The following LRMDA variants were observed in gnomAD, a reference collection of about 807,000 sequenced individuals.
The protein encoded by LRMDA is leucine-rich melanocyte differentiation-associated protein.
Under a neutral mutation model 29.8 loss-of-function variants are expected in LRMDA, and 18 were observed. The observed-to-expected ratio is 0.60, with a 90% confidence interval of 0.42 to 0.90. The LOEUF (loss-of-function observed/expected upper bound fraction) is 0.90. Among genes scored for constraint, LRMDA ranks in the 40% least tolerant of loss-of-function variants. LRMDA has a pLI of 0.00. For synonymous variants in LRMDA, 125 were observed against 109.4 expected (o/e 1.14, Z -0.89); for missense variants, 273 against 273.9 (o/e 1.00, Z 0.02).
intron 5 of LRMDA, among the ~76,000 whole-genome samples, chr10:76,303,960 C>T (rs1370390923): frequency 1.3e-5 from 2 of 152,028 alleles, no homozygotes; most frequent in East Asian, 3.9e-4. Context: ...ACAAGAAGGC[C>T]TCACTACAAC....
At chr10:75,916,967 A>G (rs143994568) in intron 2 of LRMDA, among the ~76,000 whole-genome samples, 2 of 152,306 alleles carry the variant, frequency 1.3e-5, no homozygotes, top group South Asian at 2.1e-4. Flanking sequence ...TGAGCACTAT[A>G]TACACTTTTT....
At chr10:75,578,615 C>A (rs954472765) in intron 2 of LRMDA, among the ~76,000 whole-genome samples, 1 of 152,170 alleles carries the variant, frequency 6.6e-6, no homozygotes, top group Non-Finnish European at 1.5e-5. Flanking sequence ...AGCACCACAT[C>A]ACACTTATTC....
chr10:75,852,348 G>T (rs1844745797), intron 2 of LRMDA, among the ~76,000 whole-genome samples: 2 of 152,132 alleles, frequency 1.3e-5, no homozygotes, highest in Admixed American at 6.5e-5. Flanking sequence ...TTGGTAAAAG[G>T]TGGGTGGGAA....
chr10:76,196,590 A>G (rs2132227623), intron 5 of LRMDA, among the ~76,000 whole-genome samples: 1 of 152,330 alleles, frequency 6.6e-6, no homozygotes, highest in Middle Eastern at 3.4e-3. Flanking sequence ...GCTAGTTATT[A>G]TAGAACAGGA....
chr10:75,451,375 C>T (rs1844458444), intron 2 of LRMDA: 1 of 152,188 alleles, frequency 6.6e-6, no homozygotes, highest in African/African-American at 2.4e-5. Flanking sequence ...CGAGAATCAC[C>T]TCTCGACAGT....
At chr10:76,066,972 A>G (rs184107304) in intron 5 of LRMDA, among the ~76,000 whole-genome samples, 1 of 152,222 alleles carries the variant, frequency 6.6e-6, no homozygotes. Flanking sequence ...TGAGGCTGCC[A>G]CAGTGTTCCC....
intron 6 of LRMDA, among the ~76,000 whole-genome samples, chr10:76,515,042 GA>G (rs920387514): frequency 2.6e-5 from 4 of 151,808 alleles, no homozygotes; most frequent in African/African-American, 7.3e-5. Flanking sequence ...CAGTTGTATT[GA>G]AAAAAAATGA....
chr10:76,054,032 G>A (rs1389831296), intron 4 of LRMDA, among the ~76,000 whole-genome samples: 1 of 152,194 alleles, frequency 6.6e-6, no homozygotes, highest in Non-Finnish European at 1.5e-5. Context: ...AAGAATAGAA[G>A]CTCACTGAAA....
chr10:76,119,307 A>T (rs1271194526), intron 5 of LRMDA, among the ~76,000 whole-genome samples: 2 of 152,090 alleles, frequency 1.3e-5, no homozygotes, highest in African/African-American at 4.8e-5. Context: ...CTTAAATGGC[A>T]GGGCAGCATA....
intron 6 of LRMDA, among the ~76,000 whole-genome samples, chr10:76,393,916 C>T (rs939938664): frequency 2.6e-5 from 4 of 152,012 alleles, no homozygotes; most frequent in Non-Finnish European, 4.4e-5. Context: ...TTGAGGAGAC[C>T]GTCCTTTCTG....
intron 2 of LRMDA, among the ~76,000 whole-genome samples, chr10:75,829,977 C>G (rs1487606598): frequency 6.6e-6 from 1 of 151,358 alleles, no homozygotes; most frequent in Admixed American, 6.6e-5. Flanking sequence ...AGTGAAAGGG[C>G]TTCCCTCCTT....
chr10:76,274,622 T>C (rs1457246383), intron 5 of LRMDA, among the ~76,000 whole-genome samples: 1 of 151,834 alleles, frequency 6.6e-6, no homozygotes, highest in Admixed American at 6.6e-5. Flanking sequence ...AAAGGTTACG[T>C]ATTTTATTCT....
intron 2 of LRMDA, among the ~76,000 whole-genome samples, chr10:75,590,502 G>A (rs1455880486): frequency 6.6e-6 from 1 of 152,046 alleles, no homozygotes; most frequent in Non-Finnish European, 1.5e-5. Flanking sequence ...AAAACAGTTG[G>A]GGAGTCAGAT....
chr10:75,568,403 G>A (rs1414162822), intron 2 of LRMDA, among the ~76,000 whole-genome samples: 1 of 152,164 alleles, frequency 6.6e-6, no homozygotes, highest in Non-Finnish European at 1.5e-5. Flanking sequence ...GCATAGGGTT[G>A]GATTTTCAGC....
intron 2 of LRMDA, among the ~76,000 whole-genome samples, chr10:75,619,715 AGT>A: frequency 6.6e-6 from 1 of 152,322 alleles, no homozygotes; most frequent in South Asian, 2.1e-4. Flanking sequence ...CTCTCCTTGA[AGT>A]ACAAGCTGTG....
At chr10:75,984,449 G>A (rs958034471) in intron 2 of LRMDA, among the ~76,000 whole-genome samples, 2 of 152,260 alleles carry the variant, frequency 1.3e-5, no homozygotes, top group African/African-American at 4.8e-5. Context: ...GGGAAGGCCT[G>A]CCAGGGCCTG....
intron 5 of LRMDA, among the ~76,000 whole-genome samples, chr10:76,089,075 A>T (rs1269273703): frequency 6.6e-6 from 1 of 152,214 alleles, no homozygotes; most frequent in Admixed American, 6.5e-5. Flanking sequence ...GCCATTCTTT[A>T]TACAGGATTG....
intron 2 of LRMDA, among the ~76,000 whole-genome samples, chr10:75,778,087 CT>C (rs569586321): frequency 1.3e-5 from 2 of 151,680 alleles, no homozygotes; most frequent in East Asian, 1.9e-4. Context: ...TTCTTTCTTT[CT>C]TTTTTTTGAG....
intron 2 of LRMDA, among the ~76,000 whole-genome samples, chr10:75,499,139 G>A (rs893155764): frequency 5.3e-5 from 8 of 152,166 alleles, no homozygotes; most frequent in South Asian, 2.1e-4. Context: ...CCTCCTGGTC[G>A]TTTTTCCAGA....
Sources: allele counts gnomAD v4.1 joint callset (sites outside exome capture counted in the v4.1 genomes callset), GRCh38; gene constraint gnomAD v4.1.1; transcripts MANE v1.5; gene names NCBI Gene and HGNC (gene_info 2026-07-23, HGNC 2026-07-21).